SUPT7L: variants seen among roughly 807,000 people sequenced by gnomAD.
SUPT7L encodes STAGA complex 65 subunit gamma.
A neutral mutation model predicts 35.7 loss-of-function variants in SUPT7L; 15 were observed. That is an observed-to-expected ratio of 0.42 (90% confidence interval 0.28 to 0.65). The LOEUF (loss-of-function observed/expected upper bound fraction) is 0.65. Among genes scored for constraint, SUPT7L ranks in the 30% least tolerant of loss-of-function variants. The pLI, the probability that SUPT7L is intolerant of heterozygous loss-of-function variation, is 0.23. For missense variants in SUPT7L, 434 were observed against 522.2 expected (o/e 0.83, Z 1.65); for synonymous variants, 168 against 186.2 (o/e 0.90, Z 0.79).
chr2:27,643,396 A>G, the SUPT7L span, among the ~76,000 whole-genome samples: 2 of 152,082 alleles, frequency 1.3e-5, no homozygotes, highest in Non-Finnish European at 2.9e-5. This position sits in a 1 kb window ranked among gnomAD's most constrained non-coding sequence, Gnocchi z 4.0. Flanking sequence ...AGTTACAGAT[A>G]TAATACTCTT....
At position 27,657,768 on chromosome 2, in the gene SUPT7L, C is replaced by G. The variant is rs1430016499; in HGVS notation, c.420-99G>C. The G allele has an allele frequency of 2.5e-6, 3 of 1,183,092 alleles. No homozygotes were observed. Among genetic ancestry groups the G allele is most frequent in the Non-Finnish European group, 3.5e-6 (3 of 856,890 alleles). 73.3% of individuals were successfully genotyped at this position (1,183,092 alleles called of 1,614,324 possible). A position where few individuals can be genotyped will look rare whatever the true frequency, so the allele number is the denominator to read the frequency against. On this transcript the variant is annotated intron_variant, in intron 3 of 5. Transcript: ENST00000337768. This position sits in a 1 kb window ranked among gnomAD's most constrained non-coding sequence, Gnocchi z 5.2. ...TTACAATTCCAGTCAAGCCACTGGC[C>G]TAGCTTTCCAGGGAAATTCCATCCA... is the stretch of plus-strand genomic sequence containing the variant.
the SUPT7L span, among the ~76,000 whole-genome samples, chr2:27,644,278 TTTAG>T: frequency 6.6e-6 from 1 of 152,210 alleles, no homozygotes; most frequent in South Asian, 2.1e-4. Flanking sequence ...TAAATATCCT[TTTAG>T]TTTTCTAATG....
intron 4 of SUPT7L, among the ~76,000 whole-genome samples, chr2:27,656,829 G>A (rs142521064): frequency 6.6e-6 from 1 of 151,790 alleles, no homozygotes; most frequent in African/African-American, 2.4e-5. Context: ...TGTAGAGATG[G>A]GGTCTCACTA....
chr2:27,654,787 C>T (rs1025256422), intron 5 of SUPT7L, among the ~76,000 whole-genome samples: 3 of 152,220 alleles, frequency 2.0e-5, no homozygotes, highest in Non-Finnish European at 4.4e-5. Context: ...AGGATGTTCT[C>T]GATCTCCTGA....
chr2:27,649,557 C>T (rs964170039), downstream of SUPT7L, among the ~76,000 whole-genome samples: 7 of 152,174 alleles, frequency 4.6e-5, no homozygotes, highest in African/African-American at 1.7e-4. Flanking sequence ...ACACCTAGTG[C>T]CTGGCAACCA....
chr2:27,643,477 T>A, the SUPT7L span, among the ~76,000 whole-genome samples: 1 of 152,152 alleles, frequency 6.6e-6, no homozygotes, highest in Non-Finnish European at 1.5e-5. This position sits in a 1 kb window ranked among gnomAD's most constrained non-coding sequence, Gnocchi z 4.0. Flanking sequence ...AGTGCAGTTA[T>A]CAGAAATCAG....
At position 27,657,298 on chromosome 2, in the gene SUPT7L, G is replaced by A. The variant is rs773945440; in HGVS notation, c.744+47C>T. 1.3e-5 allele frequency: 20 copies of A among 1,584,462 alleles called. No homozygotes were observed. The highest frequency in any genetic ancestry group is 2.3e-5 in the South Asian group (2 of 86,180). ...GTTGTGGGATCCTGCTGAACACTCCGAGATTGCACAGACATCTGTGCCCAC... is the reference window on the plus strand; with the variant it reads ...GTTGTGGGATCCTGCTGAACACTCCAAGATTGCACAGACATCTGTGCCCAC... On this transcript the variant is annotated intron_variant, in intron 4 of 5. Transcript: ENST00000337768. The surrounding 1 kb of genome is among the most constrained non-coding windows in gnomAD (Gnocchi z 5.2).
At chr2:27,643,900 C>T in the SUPT7L span, among the ~76,000 whole-genome samples, 23 of 152,090 alleles carry the variant, frequency 1.5e-4, no homozygotes, top group African/African-American at 2.9e-4. The surrounding 1 kb of genome is among the most constrained non-coding windows in gnomAD (Gnocchi z 4.0). Context: ...ATTTTTAGGC[C>T]GGGCGCAGTG....
chr2:27,658,733 A>C (rs914427062), intron 3 of SUPT7L, among the ~76,000 whole-genome samples: 7 of 152,240 alleles, frequency 4.6e-5, no homozygotes, highest in African/African-American at 1.2e-4. Flanking sequence ...TAAGATAACT[A>C]ATTGCCAAGT....
Position 27,662,189 on chromosome 2 carries a change from T to C in SUPT7L, c.4A>G (p.Asn2Asp). 1 of 1,614,190 alleles carries C rather than the reference T, an allele frequency of 6.2e-7. No homozygotes were observed. The highest frequency in any genetic ancestry group is 8.5e-7 in the Non-Finnish European group (1 of 1,180,022). Residue 2 changes from asparagine to aspartate, a missense_variant, in exon 2 of 6, where the codon AAT becomes GAT. Physicochemically the swap from Asn to Asp is conservative, Grantham distance 23 (BLOSUM62 1). Transcript: ENST00000337768. M[N>D]LQRYWGEIPI... ...CTGGTTTCAACTCACCTTTGCAGAT[T>C]CATTGTCCATATGTCTCTTCAAGTT...
chr2:27,652,917 T>TAAGACACTTC lies in SUPT7L; in HGVS notation c.*558_*567dup, dbSNP rs1674624439. 1 of 154,666 alleles carries TAAGACACTTC rather than the reference T, an allele frequency of 6.5e-6. No homozygotes were observed. The highest frequency in any genetic ancestry group is 1.4e-5 in the Non-Finnish European group (1 of 69,532). The allele number at this position is 154,666 out of a possible 1,614,324, so 9.6% of individuals were successfully genotyped here. A position where few individuals can be genotyped will look rare whatever the true frequency, so the allele number is the denominator to read the frequency against. On this transcript the variant is annotated 3_prime_UTR_variant, in exon 6 of 6. Transcript: ENST00000337768. ...GGTGTCAGACCTCTGATCTTATAAA[T>TAAGACACTTC]AAGACACTTCAAAAGTAGCAAAAAC...
downstream of SUPT7L, chr2:27,647,916 A>G (rs1674317430): frequency 1.9e-6 from 3 of 1,611,376 alleles, no homozygotes. Context: ...GGAAGCAGAC[A>G]GCGATACTGA....
downstream of SUPT7L, chr2:27,650,202 A>G (rs753864862): frequency 1.9e-6 from 3 of 1,543,756 alleles, no homozygotes; most frequent in South Asian, 1.1e-5. Context: ...AATAAATAGG[A>G]GACTTTAGCA....
At chr2:27,654,327 T>C (rs1674695907) in intron 5 of SUPT7L, among the ~76,000 whole-genome samples, 1 of 152,252 alleles carries the variant, frequency 6.6e-6, no homozygotes, top group Non-Finnish European at 1.5e-5. Flanking sequence ...CTTATGGTTA[T>C]TCTTCCATAG....
At chr2:27,649,997 G>A (rs1159483795), downstream of SUPT7L, 3 of 621,354 alleles carry the variant, frequency 4.8e-6, no homozygotes, top group Non-Finnish European at 8.8e-6. Context: ...CTTTTTGAGG[G>A]AAGTGAGTAC....
Position 27,657,402 on chromosome 2 carries a change from G to C in SUPT7L, c.687C>G (p.Leu229=). ...GGTGCTGCCAGAACTTCTGGAGGGAGAGCACACTGCCAATACCCACTTCAT... is the reference window on the plus strand; with the variant it reads ...GGTGCTGCCAGAACTTCTGGAGGGACAGCACACTGCCAATACCCACTTCAT... ...VFHEVGIGSV[L]SLQKFWQHRI... is the part of the protein sequence containing the mutation. Residue 229 remains leucine, a synonymous_variant, in exon 4 of 6, where the codon CTC becomes CTG. Coordinates refer to ENST00000337768, the MANE Select transcript of SUPT7L (RefSeq NM_014860.3). The surrounding 1 kb of genome is among the most constrained non-coding windows in gnomAD (Gnocchi z 5.2). 6.2e-7 allele frequency: 1 copy of C among 1,614,250 alleles called. No individual in the cohort carries two copies. Among genetic ancestry groups the C allele is most frequent in the East Asian group, 2.2e-5 (1 of 44,892 alleles).
chr2:27,657,756 C>A lies in SUPT7L; in HGVS notation c.420-87G>T, dbSNP rs1572978147. On this transcript the variant is annotated intron_variant, in intron 3 of 5. Coordinates refer to ENST00000337768, the MANE Select transcript of SUPT7L (RefSeq NM_014860.3). This position sits in a 1 kb window ranked among gnomAD's most constrained non-coding sequence, Gnocchi z 5.2. ...TCCCCAGGAGTTTTACAATTCCAGTCAAGCCACTGGCCTAGCTTTCCAGGG... is the reference window on the plus strand; with the variant it reads ...TCCCCAGGAGTTTTACAATTCCAGTAAAGCCACTGGCCTAGCTTTCCAGGG... 4 of 1,274,204 alleles carry A rather than the reference C, an allele frequency of 3.1e-6. No homozygotes were observed. The highest frequency in any genetic ancestry group is 2.5e-5 in the East Asian group (1 of 39,524). The allele number at this position is 1,274,204 out of a possible 1,614,324, so 78.9% of individuals were successfully genotyped here.
chr2:27,655,717 T>C, intron 4 of SUPT7L, 115 bp from the exon 5 acceptor site: 1 of 881,918 alleles, frequency 1.1e-6, no homozygotes, highest in East Asian at 2.5e-5. Flanking sequence ...TTTTAAAACA[T>C]TCACTGCCAA....
At chr2:27,642,618 C>T in the SUPT7L span, 1 of 765,274 alleles carries the variant, frequency 1.3e-6, no homozygotes, top group Admixed American at 2.2e-5. Flanking sequence ...CTCTTGTTGC[C>T]CAGGCTGGAG....
Sources: gnomAD v4.1 joint callset for allele counts (sites outside exome capture counted in the v4.1 genomes callset) on GRCh38, gnomAD v4.1.1 for gene constraint, Gnocchi (gnomAD v3.1) non-coding constraint, MANE v1.5 for transcripts, NCBI Gene and HGNC (gene_info 2026-07-23, HGNC 2026-07-21) for gene names.